The following CLYBL variants were observed in gnomAD, a reference collection of about 807,000 sequenced individuals.
CLYBL encodes the protein citramalyl-CoA lyase, also known as citramalyl-CoA lyase, mitochondrial.
Under a neutral mutation model 38.9 loss-of-function variants are expected in CLYBL, and 31 were observed. The ratio of observed to expected loss-of-function variants is 0.80; its 90% CI spans 0.60 to 1.08. The LOEUF is 1.08. CLYBL is among the 50% of genes least tolerant of loss of function. CLYBL has a pLI of 0.00. For missense variants in CLYBL, 434 were observed against 411.6 expected (o/e 1.05, Z -0.47); for synonymous variants, 171 against 158.6 (o/e 1.08, Z -0.59).
chr13:99,780,894 A>G (rs917112475), intron 2 of CLYBL, among the ~76,000 whole-genome samples: 3 of 149,450 alleles, frequency 2.0e-5, no homozygotes, highest in Non-Finnish European at 4.4e-5. Flanking sequence ...TTGTATTATT[A>G]GTAGAGATGG....
chr13:99,903,395 C>A (rs2052662352), intron 8 of CLYBL, among the ~76,000 whole-genome samples: 1 of 150,304 alleles, frequency 6.7e-6, no homozygotes, highest in Non-Finnish European at 1.5e-5. Context: ...CGCACACTGA[C>A]ACACACATAC....
chr13:99,636,968 C>G (rs2047026714), intron 1 of CLYBL, among the ~76,000 whole-genome samples: 1 of 152,156 alleles, frequency 6.6e-6, no homozygotes, highest in African/African-American at 2.4e-5. Context: ...CTGCATCCCC[C>G]AGCCAGGCTC....
intron 1 of CLYBL, chr13:99,690,266 T>C (rs1412762373): frequency 6.6e-6 from 1 of 152,248 alleles, no homozygotes; most frequent in Non-Finnish European, 1.5e-5. Context: ...TCCGGGGTTC[T>C]GGTCGGCTAA....
chr13:99,876,069 C>CA lies in CLYBL; in HGVS notation c.927+5007_927+5008insA, dbSNP rs1555323534. 4.2e-4 allele frequency among the ~76,000 whole-genome samples: 45 copies of CA among 106,672 alleles called. 1 individual carries two copies. The highest frequency in any genetic ancestry group is 2.2e-3 in the Admixed American group (19 of 8,650). 70.0% of individuals were successfully genotyped at this position (106,672 alleles called of 152,430 possible). A position where few individuals can be genotyped will look rare whatever the true frequency, so the allele number is the denominator to read the frequency against. On this transcript the variant is annotated intron_variant, in intron 7 of 8. Transcript: ENST00000339105. ...TGAAATCATATCATATTCTATTTCA[C>CA]TTTTTTTTTTTTTTTTTTTTTTAGT...
intron 1 of CLYBL, among the ~76,000 whole-genome samples, chr13:99,632,763 CAAA>C (rs1001311841): frequency 6.0e-5 from 9 of 150,726 alleles, no homozygotes; most frequent in Non-Finnish European, 3.0e-5. Flanking sequence ...AAAACAAAAA[CAAA>C]AAAACCCCAC....
chr13:99,782,838 C>T (rs1422350044), intron 2 of CLYBL, among the ~76,000 whole-genome samples: 1 of 152,032 alleles, frequency 6.6e-6, no homozygotes, highest in African/African-American at 2.4e-5. Context: ...CCTTTCTATT[C>T]TTTCCTTCAG....
rs567915871 is a variant in CLYBL at position 99,762,420 on chromosome 13, G to A, written c.63-10404G>A. 5.9e-5 allele frequency among the ~76,000 whole-genome samples: 9 copies of A among 152,312 alleles called. No individual in the cohort carries two copies. The South Asian group carries it at 1.9e-3, about 32-fold the overall frequency. On this transcript the variant is annotated intron_variant, in intron 1 of 8. Coordinates refer to ENST00000339105, the MANE Select transcript of CLYBL (RefSeq NM_206808.5). ...CTTTCCCAGCACCACTGAAGAGACA[G>A]TTCTTTCCTCACTGCATGTTTGTGG...
At chr13:99,680,145 A>C (rs577843159) in intron 1 of CLYBL, among the ~76,000 whole-genome samples, 365 of 152,352 alleles carry the variant, frequency 2.4e-3, no homozygotes, top group South Asian at 4.6e-3. Context: ...TCAATATGGC[A>C]GTGCCTATGA....
rs138946915 is a variant in CLYBL at position 99,631,180 on chromosome 13, C to T, written c.62+24423C>T. Among the ~76,000 whole-genome samples the T allele has an allele frequency of 4.3e-3, 649 of 152,054 alleles. 3 individuals are homozygous for T. Among genetic ancestry groups the T allele is most frequent in the African/African-American group, 0.015 (626 of 41,502 alleles). On this transcript the variant is annotated intron_variant, in intron 1 of 8. Transcript: ENST00000339105. ...CCACAAAAAATAGAAAAATTAGCCACGCATGGTGGCGCATGCCTGTAGTGC... is the reference window on the plus strand; with the variant it reads ...CCACAAAAAATAGAAAAATTAGCCATGCATGGTGGCGCATGCCTGTAGTGC...
intron 1 of CLYBL, among the ~76,000 whole-genome samples, chr13:99,626,902 C>T (rs184167613): frequency 2.0e-5 from 3 of 150,950 alleles, no homozygotes; most frequent in Admixed American, 6.7e-5. Context: ...TTATATATTT[C>T]GGGACTAATA....
rs540905695 is a variant in CLYBL at position 99,740,626 on chromosome 13, C to T, written c.63-32198C>T. On this transcript the variant is annotated intron_variant, in intron 1 of 8. Coordinates refer to ENST00000339105, the MANE Select transcript of CLYBL (RefSeq NM_206808.5). Reference sequence around the variant, plus strand: ...ACTTGACGCCCATATTATGACTTAACGAGCTGGAAAGTCCACACGTATAGA... The same window carrying T: ...ACTTGACGCCCATATTATGACTTAATGAGCTGGAAAGTCCACACGTATAGA... Among the ~76,000 whole-genome samples, 10 of 152,310 alleles carry T rather than the reference C, an allele frequency of 6.6e-5. 1 individual carries two copies. The South Asian group carries it at 1.4e-3, about 22-fold the overall frequency.
chr13:99,612,521 G>T (rs1465249977), intron 1 of CLYBL, among the ~76,000 whole-genome samples: 1 of 151,404 alleles, frequency 6.6e-6, no homozygotes, highest in Non-Finnish European at 1.5e-5. Flanking sequence ...CCAAGTAGCT[G>T]AGACTACAGG....
intron 1 of CLYBL, among the ~76,000 whole-genome samples, chr13:99,628,029 G>C (rs972243965): frequency 6.6e-6 from 1 of 152,146 alleles, no homozygotes; most frequent in African/African-American, 2.4e-5. Flanking sequence ...TAAATGCAGA[G>C]GTACTAAAAC....
chr13:99,860,361 C>T (rs2051571391), intron 3 of CLYBL, among the ~76,000 whole-genome samples: 1 of 152,070 alleles, frequency 6.6e-6, no homozygotes, highest in Non-Finnish European at 1.5e-5. Context: ...TGCTGCTATA[C>T]AGTTTCTTTT....
intron 1 of CLYBL, among the ~76,000 whole-genome samples, chr13:99,622,942 C>T (rs895353977): frequency 6.6e-6 from 1 of 152,142 alleles, no homozygotes; most frequent in Non-Finnish European, 1.5e-5. Context: ...AGTGATTCCC[C>T]CTGCCTCAAC....
Position 99,749,493 on chromosome 13 carries a change from G to C in CLYBL, c.63-23331G>C, listed in dbSNP as rs575345981. 3.3e-5 allele frequency among the ~76,000 whole-genome samples: 5 copies of C among 152,246 alleles called. No homozygotes were observed. The East Asian group carries it at 9.7e-4, about 29-fold the overall frequency. ...CCAGGAACCCCACAATAGCCAGAAG[G>C]CTGGCCTAGGAGTTGCCCCCATCCT... On this transcript the variant is annotated intron_variant, in intron 1 of 8. Coordinates refer to ENST00000339105, the MANE Select transcript of CLYBL (RefSeq NM_206808.5).
chr13:99,823,308 T>C (rs1204363747), intron 2 of CLYBL, among the ~76,000 whole-genome samples: 1 of 152,216 alleles, frequency 6.6e-6, no homozygotes, highest in Non-Finnish European at 1.5e-5. Context: ...GTGATCTTCC[T>C]GTCTCAGCCT....
Position 99,620,866 on chromosome 13 carries a change from T to C in CLYBL, c.62+14109T>C, listed in dbSNP as rs1693562480. Reference sequence around the variant, plus strand: ...AGAAAGAAAGAAAAAAGAAAGAAAATGTCTTCTTCAGACACCTCAACTACA... The same window carrying C: ...AGAAAGAAAGAAAAAAGAAAGAAAACGTCTTCTTCAGACACCTCAACTACA... On this transcript the variant is annotated intron_variant, in intron 1 of 8. Transcript: ENST00000339105. 1.3e-5 allele frequency among the ~76,000 whole-genome samples: 2 copies of C among 151,680 alleles called. 1 individual carries two copies. The highest frequency in any genetic ancestry group is 4.2e-4 in the South Asian group (2 of 4,806).
At chr13:99,649,516 A>G (rs567623007) in intron 1 of CLYBL, among the ~76,000 whole-genome samples, 11 of 152,284 alleles carry the variant, frequency 7.2e-5, no homozygotes, top group African/African-American at 2.4e-4. Context: ...TTATTTGCCG[A>G]TAAGTTGAAG....
Sources: gnomAD v4.1 joint callset for allele counts (sites outside exome capture counted in the v4.1 genomes callset) on GRCh38, gnomAD v4.1.1 for gene constraint, MANE v1.5 for transcripts, NCBI Gene and HGNC (gene_info 2026-07-23, HGNC 2026-07-21) for gene names.